Variants in WDR54 observed in about 807,000 individuals in gnomAD.
The protein encoded by WDR54 is WD repeat-containing protein 54.
WDR54 carries 44 observed loss-of-function variants against 44.1 expected under a neutral mutation model. That is an observed-to-expected ratio of 1.00 (90% CI 0.78 to 1.28). The LOEUF (loss-of-function observed/expected upper bound fraction) is 1.28. WDR54 is among the 50% of genes most tolerant of loss of function. The pLI is 0.00. For missense variants in WDR54, 409 were observed against 429.7 expected (o/e 0.95, Z 0.43); for synonymous variants, 169 against 169.8 (o/e 1.00, Z 0.04).
chr2:74,421,827 T>C lies in WDR54; in HGVS notation c.-2+11T>C. ...GATCTGGGGCTGCAGGTGTTACCTC[T>C]GATCTAGGCCGGGGGCTTCAGGGAT... On this transcript the variant is annotated intron_variant, in intron 1 of 9. Coordinates refer to ENST00000348227, the MANE Select transcript of WDR54 (RefSeq NM_032118.4). 1 of 663,724 alleles carries C rather than the reference T, an allele frequency of 1.5e-6. No homozygotes were observed. The highest frequency in any genetic ancestry group is 2.8e-6 in the Non-Finnish European group (1 of 362,320). 41.1% of individuals were successfully genotyped at this position (663,724 alleles called of 1,614,324 possible).
In WDR54 at chr2:74,423,389, C is replaced by G. The variant is rs747701540; in HGVS notation, c.352+4C>G. 3 of 1,614,188 alleles carry G rather than the reference C, an allele frequency of 1.9e-6. No individual in the cohort carries two copies. Among genetic ancestry groups the G allele is most frequent in the Admixed American group, 3.3e-5 (2 of 60,020 alleles). Reference sequence around the variant, plus strand: ...GACTCTGGAGATGCCTCCCCAGGTACCTGCAGGACCAAGTGGGGTGGGGGC... The same window carrying G: ...GACTCTGGAGATGCCTCCCCAGGTAGCTGCAGGACCAAGTGGGGTGGGGGC... On this transcript the variant is annotated splice_donor_region_variant and intron_variant, in intron 4 of 9. Transcript: ENST00000348227.
At chr2:74,424,108 C>A in intron 6 of WDR54, 126 bp downstream of exon 6, 2 of 1,153,824 alleles carry the variant, frequency 1.7e-6, no homozygotes, top group Non-Finnish European at 2.4e-6. Flanking sequence ...TTTTCCTAGT[C>A]TTCAGCAACC....
At position 74,422,302 on chromosome 2, in the gene WDR54, A is replaced by T; in HGVS notation, c.149A>T (p.Glu50Val). The change falls in exon 2 of 10, where the codon GAG becomes GTG. Residue 50 changes from glutamate to valine, a missense_variant. Coordinates refer to ENST00000348227, the MANE Select transcript of WDR54 (RefSeq NM_032118.4). ...PSAQLLSAAP[E>V]GVPLAQRQLH... ...GCCCAGCTTCTCAGCGCTGCTCCTG[A>T]GGGTGTGCCCTTGGCCCAGCGCCAG... 3 of 1,614,078 alleles carry T rather than the reference A, an allele frequency of 1.9e-6. No individual in the cohort carries two copies. The highest frequency in any genetic ancestry group is 4.5e-5 in the East Asian group (2 of 44,896).
Position 74,422,896 on chromosome 2 carries a change from A to G in WDR54, c.249A>G (p.Arg83=). ...TCCACTGGTGTGTCCTCCCCTTCCG[A>G]GTGCTGCTGGTACTCACCTCACATC... is the stretch of plus-strand genomic sequence containing the variant. ...TQVHWCVLPF[R]VLLVLTSHRG... is the part of the protein sequence containing the mutation. The change falls in exon 3 of 10, where the codon CGA becomes CGG. Residue 83 remains arginine, a synonymous_variant. Coordinates refer to ENST00000348227, the MANE Select transcript of WDR54 (RefSeq NM_032118.4). The G allele has an allele frequency of 6.2e-7, 1 of 1,613,660 alleles. No individual in the cohort carries two copies. Among genetic ancestry groups the G allele is most frequent in the Non-Finnish European group, 8.5e-7 (1 of 1,179,934 alleles).
At chr2:74,423,054 CT>C in intron 3 of WDR54, 122 bp downstream of exon 3, 1 of 1,061,024 alleles carries the variant, frequency 9.4e-7, no homozygotes, top group Non-Finnish European at 1.4e-6. Context: ...CCCACTCACT[CT>C]TTTTCTATTT....
At position 74,423,821 on chromosome 2, in the gene WDR54, G is replaced by A. The variant is rs770504191; in HGVS notation, c.407-34G>A. Reference sequence around the variant, plus strand: ...GTGGCTGGAGACCCAGGAGGGTCAGGAAGTCATCACTGGAGTACTGGTTCT... The same window carrying A: ...GTGGCTGGAGACCCAGGAGGGTCAGAAAGTCATCACTGGAGTACTGGTTCT... On this transcript the variant is annotated intron_variant, in intron 5 of 9. Coordinates refer to ENST00000348227, the MANE Select transcript of WDR54 (RefSeq NM_032118.4). 11 of 1,609,438 alleles carry A rather than the reference G, an allele frequency of 6.8e-6. No homozygotes were observed. In the South Asian group the frequency reaches 1.2e-4, roughly 18 times the overall value.
Position 74,425,205 on chromosome 2 carries a change from T to C in WDR54, c.766T>C (p.Cys256Arg), listed in dbSNP as rs766662056. 6.5e-7 allele frequency: 1 copy of C among 1,534,950 alleles called. No individual in the cohort carries two copies. Among genetic ancestry groups the C allele is most frequent in the South Asian group, 1.3e-5 (1 of 78,256 alleles). Residue 256 changes from cysteine to arginine, a missense_variant, in exon 8 of 10, where the codon TGC (cysteine) becomes CGC (arginine). Coordinates refer to ENST00000348227, the MANE Select transcript of WDR54 (RefSeq NM_032118.4). ...GATCAATGCCCATGCCCGGGCCATC[T>C]GCGCCCTGGACCTGGCTTCTGAGGT... ...VQINAHARAI[C>R]ALDLASEVGK...
rs988636934 is a variant in WDR54, at chr2:74,425,715, C to G, written c.*14C>G. The G allele has an allele frequency of 4.3e-6, 7 of 1,614,086 alleles. No homozygotes were observed. Among genetic ancestry groups the G allele is most frequent in the Non-Finnish European group, 4.2e-6 (5 of 1,180,016 alleles). On this transcript the variant is annotated 3_prime_UTR_variant, in exon 10 of 10. Coordinates refer to ENST00000348227, the MANE Select transcript of WDR54 (RefSeq NM_032118.4). ...AGCAGTGTGTGAGAAGAGCAGCCTT[C>G]CTTTGTCCCTGTGGTATTCATAAAG...
At position 74,425,229 on chromosome 2, in the gene WDR54, G is replaced by A. The variant is rs769466104; in HGVS notation, c.790G>A (p.Val264Met). The change falls in exon 8 of 10, where the codon GTG becomes ATG. Residue 264 changes from valine to methionine, a missense_variant. Val to Met is a conservative substitution (Grantham distance 21). Transcript: ENST00000348227. Reference protein sequence around the residue: ...AICALDLASEVGKLLSAGEDT... With the variant: ...AICALDLASEMGKLLSAGEDT... ...CTGCGCCCTGGACCTGGCTTCTGAG[G>A]TGGGCAAGGTAAGTCTCCTCCTCTG... 4 of 1,530,070 alleles carry A rather than the reference G, an allele frequency of 2.6e-6. No individual in the cohort carries two copies. The highest frequency in any genetic ancestry group is 2.3e-5 in the East Asian group (1 of 44,138). The allele number at this position is 1,530,070 out of a possible 1,614,324, so 94.8% of individuals were successfully genotyped here.
At chr2:74,422,057 A>T in intron 1 of WDR54, 96 bp from the exon 2 acceptor site, 1 of 1,292,798 alleles carries the variant, frequency 7.7e-7, no homozygotes, top group Non-Finnish European at 1.1e-6. Context: ...ACCCAGTCTC[A>T]GGCATCTTCC....
At chr2:74,424,400 G>C (rs1461498851) in intron 6 of WDR54, among the ~76,000 whole-genome samples, 1 of 152,070 alleles carries the variant, frequency 6.6e-6, no homozygotes, top group Non-Finnish European at 1.5e-5. Flanking sequence ...GACAACTCTT[G>C]TCTCCCCAAG....
In WDR54 at chr2:74,423,993, T is replaced by C; in HGVS notation, c.534+11T>C. 6.2e-7 allele frequency: 1 copy of C among 1,613,848 alleles called. No homozygotes were observed. The highest frequency in any genetic ancestry group is 1.3e-5 in the African/African-American group (1 of 74,994). On this transcript the variant is annotated intron_variant, in intron 6 of 9. Coordinates refer to ENST00000348227, the MANE Select transcript of WDR54 (RefSeq NM_032118.4). ...CCTGCCCAGGGACAGGTGAGTGGAC[T>C]TCCCCTACCCATCTGGGAGCCTTCC...
Position 74,422,229 on chromosome 2 carries a change from C to T in WDR54, c.76C>T (p.Leu26=). ...ALCNNLSVLQ[L]PARNLTYFGV... ...GTGCAACAACCTCAGTGTGCTGCAG[C>T]TGCCGGCTCGCAACCTCACGTATTT... The change falls in exon 2 of 10, where the codon CTG becomes TTG. Residue 26 remains leucine, a synonymous_variant. Coordinates refer to ENST00000348227, the MANE Select transcript of WDR54 (RefSeq NM_032118.4). 8 of 1,614,184 alleles carry T rather than the reference C, an allele frequency of 5.0e-6. No individual in the cohort carries two copies. Among genetic ancestry groups the T allele is most frequent in the Non-Finnish European group, 6.8e-6 (8 of 1,180,044 alleles).
At chr2:74,425,346 C>A in intron 8 of WDR54, 71 bp from the exon 9 acceptor site, 1 of 1,596,402 alleles carries the variant, frequency 6.3e-7, no homozygotes, top group Non-Finnish European at 8.6e-7. Flanking sequence ...CCCTGGGGCA[C>A]CTGGACTGGG....
rs774437589 is a variant in WDR54, at chr2:74,425,674, G to C, written c.978G>C (p.Ala326=). 1 of 1,614,188 alleles carries C rather than the reference G, an allele frequency of 6.2e-7. No homozygotes were observed. Among genetic ancestry groups the C allele is most frequent in the South Asian group, 1.1e-5 (1 of 91,084 alleles). ...NSFAVTGYDL[A]EIRRFSSV ...TTGCTGTGACTGGCTATGACCTTGC[G>C]GAGATCCGGAGATTCAGCAGTGTGT... Residue 326 remains alanine (A), a synonymous_variant, in exon 10 of 10, where the codon GCG becomes GCC. Coordinates refer to ENST00000348227, the MANE Select transcript of WDR54 (RefSeq NM_032118.4).
chr2:74,423,728 T>C (rs765312968), intron 5 of WDR54, 127 bp from the exon 6 acceptor site: 36 of 1,478,108 alleles, frequency 2.4e-5, no homozygotes, highest in Admixed American at 2.0e-4. Flanking sequence ...TGAAGGGGCA[T>C]GGCCGTTGGA....
intron 7 of WDR54, 36 bp downstream of exon 7, chr2:74,425,011 A>G (rs778165319): frequency 6.2e-7 from 1 of 1,614,148 alleles, no homozygotes; most frequent in South Asian, 1.1e-5. Flanking sequence ...GCTTCCTGAG[A>G]TAGCTTCAGG....
chr2:74,423,025 A>ACCCTTCCCTCT, intron 3 of WDR54, 93 bp downstream of exon 3: 1 of 1,303,302 alleles, frequency 7.7e-7, no homozygotes, highest in Non-Finnish European at 1.1e-6. Context: ...AAACACTTCC[A>ACCCTTCCCTCT]GACTTTTCAC....
intron 5 of WDR54, 131 bp downstream of exon 5, chr2:74,423,662 C>A: frequency 1.4e-6 from 2 of 1,447,276 alleles, no homozygotes; most frequent in South Asian, 1.3e-5. Context: ...TCAGAGACTC[C>A]AGTAAACCAT....
Sources: gnomAD v4.1 joint callset for allele counts (sites outside exome capture counted in the v4.1 genomes callset) on GRCh38, gnomAD v4.1.1 for gene constraint, MANE v1.5 for transcripts, NCBI Gene and HGNC (gene_info 2026-07-23, HGNC 2026-07-21) for gene names.